Variants in DNAJC6 observed in about 807,000 individuals in gnomAD.
DNAJC6 encodes the protein auxilin.
A neutral mutation model predicts 110.0 loss-of-function variants in DNAJC6; 34 were observed. The ratio of observed to expected loss-of-function variants is 0.31; its 90% CI spans 0.24 to 0.41. The LOEUF (loss-of-function observed/expected upper bound fraction) is 0.41. DNAJC6 is among the 10% of genes least tolerant of loss of function. The pLI, the probability that DNAJC6 is intolerant of heterozygous loss-of-function variation, is 1.00. For synonymous variants in DNAJC6, 406 were observed against 437.2 expected (o/e 0.93, Z 0.89); for missense variants, 1,031 against 1,207.8 (o/e 0.85, Z 2.17).
chr1:65,293,269 T>C (rs1644897821), intron 1 of DNAJC6, among the ~76,000 whole-genome samples: 1 of 152,194 alleles, frequency 6.6e-6, no homozygotes, highest in Non-Finnish European at 1.5e-5. Context: ...GTCTTCTCAT[T>C]GAGTCCTCAC....
At chr1:65,369,985 G>A (rs1367921752) in intron 4 of DNAJC6, among the ~76,000 whole-genome samples, 4 of 152,174 alleles carry the variant, frequency 2.6e-5, no homozygotes, top group Non-Finnish European at 5.9e-5. Flanking sequence ...GCATTCAAAA[G>A]CGAAGTACTG....
intron 1 of DNAJC6, among the ~76,000 whole-genome samples, chr1:65,297,464 C>T (rs1466071270): frequency 6.6e-6 from 1 of 152,206 alleles, no homozygotes; most frequent in Non-Finnish European, 1.5e-5. Context: ...CTCTGTCCAG[C>T]TTTAGTAGTC....
At chr1:65,278,865 T>C in intron 1 of DNAJC6, 4 of 675,392 alleles carry the variant, frequency 5.9e-6, no homozygotes, top group Non-Finnish European at 7.3e-6. Context: ...AGGAAAGGGG[T>C]GGGGAAGAAT....
chr1:65,333,912 G>T (rs1645311191), intron 1 of DNAJC6, among the ~76,000 whole-genome samples: 1 of 152,148 alleles, frequency 6.6e-6, no homozygotes, highest in South Asian at 2.1e-4. Context: ...AAAAAGGATA[G>T]ATATGAATAG....
intron 1 of DNAJC6, among the ~76,000 whole-genome samples, chr1:65,329,872 A>C (rs1296075582): frequency 6.6e-6 from 1 of 152,156 alleles, no homozygotes; most frequent in African/African-American, 2.4e-5. Flanking sequence ...TGTTCAGTGG[A>C]AATCTGCCCT....
rs770795668 is a variant in DNAJC6, at chr1:65,401,787, G to A, written c.2134G>A (p.Ala712Thr). The A allele has an allele frequency of 2.5e-6, 4 of 1,613,484 alleles. No individual in the cohort carries two copies. The South Asian group carries it at 4.4e-5, about 18-fold the overall frequency. ...AGGCTTTGGAATGGGAAGCAAGTCA[G>A]CTGCCACCAGCCCAACCGGATCCTC... is the stretch of plus-strand genomic sequence containing the variant. ...PGGFGMGSKS[A>T]ATSPTGSSHG... The change falls in exon 15 of 19, where the codon GCT becomes ACT. Residue 712 changes from alanine to threonine, a missense_variant. By Grantham distance (58) the Ala-to-Thr change is moderately conservative. Coordinates refer to ENST00000371069, the MANE Select transcript of DNAJC6 (RefSeq NM_001256864.2).
chr1:65,279,085 A>C, intron 1 of DNAJC6: 2 of 985,450 alleles, frequency 2.0e-6, no homozygotes, highest in Non-Finnish European at 2.4e-6. Flanking sequence ...AAAAAGGGAA[A>C]TTCGTGCCTG....
intron 4 of DNAJC6, among the ~76,000 whole-genome samples, chr1:65,372,675 A>G (rs1645718745): frequency 6.6e-6 from 1 of 152,118 alleles, no homozygotes; most frequent in South Asian, 2.1e-4. Flanking sequence ...AGGTTAATCA[A>G]GTAGTAAATG....
intron 11 of DNAJC6, among the ~76,000 whole-genome samples, chr1:65,390,049 T>C (rs1645911716): frequency 6.6e-6 from 1 of 152,110 alleles, no homozygotes; most frequent in Admixed American, 6.6e-5. Flanking sequence ...CAAGTTTACA[T>C]CCTTCCAATT....
chr1:65,325,646 C>A (rs1484397936), intron 1 of DNAJC6, among the ~76,000 whole-genome samples: 2 of 152,214 alleles, frequency 1.3e-5, no homozygotes, highest in Non-Finnish European at 2.9e-5. Context: ...GTACTGGATT[C>A]CTTTTCTCAA....
At chr1:65,364,128 C>T (rs74080592) in intron 1 of DNAJC6, among the ~76,000 whole-genome samples, 3 of 151,992 alleles carry the variant, frequency 2.0e-5, no homozygotes, top group African/African-American at 4.8e-5. Context: ...AGGCCACATA[C>T]GTAGCTTAAA....
intron 1 of DNAJC6, among the ~76,000 whole-genome samples, chr1:65,297,401 T>C (rs1221073174): frequency 6.6e-6 from 1 of 152,228 alleles, no homozygotes; most frequent in Admixed American, 6.5e-5. Context: ...TTTTCATTTT[T>C]CTGTCTTGAT....
In DNAJC6 at chr1:65,357,688, G is replaced by A. The variant is rs1001354734; in HGVS notation, c.194-6947G>A. On this transcript the variant is annotated intron_variant, in intron 1 of 18. Transcript: ENST00000371069. ...CCCCTAGCCTGCTTGGAGTGAGGGG[G>A]GCACACAGGCTCTTGGAGGGCTGTT... Among the ~76,000 whole-genome samples, 9 of 152,128 alleles carry A rather than the reference G, an allele frequency of 5.9e-5. No individual in the cohort carries two copies. In the South Asian group the frequency reaches 6.2e-4, roughly 11 times the overall value.
At chr1:65,359,248 C>A (rs1267642064) in intron 1 of DNAJC6, among the ~76,000 whole-genome samples, 2 of 152,128 alleles carry the variant, frequency 1.3e-5, no homozygotes, top group African/African-American at 4.8e-5. Context: ...GACAGAAATT[C>A]TCTCCCAGGA....
intron 13 of DNAJC6, among the ~76,000 whole-genome samples, chr1:65,397,537 G>GCATCTTTC (rs147519323): frequency 0.034 from 5,243 of 152,226 alleles, 124 homozygotes; most frequent in Middle Eastern, 0.061. Context: ...GATAGATAAT[G>GCATCTTTC]CATCTTTCAG....
chr1:65,299,127 A>G (rs1298155704), intron 1 of DNAJC6: 2 of 152,228 alleles, frequency 1.3e-5, no homozygotes, highest in African/African-American at 2.4e-5. Flanking sequence ...TATGTTTGAA[A>G]ATTTCCCTAA....
intron 5 of DNAJC6, among the ~76,000 whole-genome samples, chr1:65,381,068 A>G (rs1645817277): frequency 6.6e-6 from 1 of 150,576 alleles, no homozygotes. Flanking sequence ...ACAGGCACGC[A>G]CCACCACACC....
At chr1:65,343,245 G>C (rs771644716) in intron 1 of DNAJC6, among the ~76,000 whole-genome samples, 39 of 152,266 alleles carry the variant, frequency 2.6e-4, no homozygotes, top group African/African-American at 8.9e-4. Flanking sequence ...ATACTCATCT[G>C]TCAGTGTTGG....
chr1:65,410,657 T>C (rs887204650), intron 17 of DNAJC6, among the ~76,000 whole-genome samples: 1 of 152,226 alleles, frequency 6.6e-6, no homozygotes, highest in Non-Finnish European at 1.5e-5. Context: ...ACCTCATTTG[T>C]TCAAACTGTG....
Sources: gnomAD v4.1 joint callset for allele counts (sites outside exome capture counted in the v4.1 genomes callset) on GRCh38, gnomAD v4.1.1 for gene constraint, MANE v1.5 for transcripts, NCBI Gene and HGNC (gene_info 2026-07-23, HGNC 2026-07-21) for gene names.